MUC12: variants seen among roughly 807,000 people sequenced by gnomAD.
MUC12 encodes the protein mucin-12.
MUC12 carries 172 observed loss-of-function variants against 230.8 expected under a neutral mutation model. That is an observed-to-expected ratio of 0.75 (90% CI 0.66 to 0.85). The LOEUF is 0.85. MUC12 is among the 40% of genes least tolerant of loss of function. The pLI is 0.00. For missense variants in MUC12, 3,506 were observed against 5,920.6 expected (o/e 0.59, Z 13.38); for synonymous variants, 1,259 against 2,401.9 (o/e 0.52, Z 13.91).
chr7:100,977,425 G>A (rs1199793796), intron 1 of MUC12, among the ~76,000 whole-genome samples: 2 of 150,790 alleles, frequency 1.3e-5, no homozygotes, highest in African/African-American at 2.4e-5. Flanking sequence ...GGAGTACAGT[G>A]GTGCGATCTC....
In MUC12 at chr7:100,991,762, C is replaced by T. The variant is rs371604492; in HGVS notation, c.1199C>T (p.Thr400Ile). 2.7e-4 allele frequency: 415 copies of T among 1,537,824 alleles called. 1 individual carries two copies. Among genetic ancestry groups the T allele is most frequent in the Non-Finnish European group, 3.5e-4 (396 of 1,147,026 alleles). ...HGSTTHTKSS[T>I]PSTTAALAHT... ...AGCACAACACACACAAAATCTTCAA[C>T]TCCTAGCACCACAGCTGCCCTAGCA... Residue 400 changes from threonine (T) to isoleucine (I), a missense_variant, in exon 2 of 12, where the codon ACT (threonine) becomes ATT (isoleucine). Physicochemically the swap from Thr to Ile is moderately conservative, Grantham distance 89. Transcript: ENST00000536621.
intron 5 of MUC12, among the ~76,000 whole-genome samples, chr7:101,011,183 G>T (rs1003974968): frequency 2.0e-5 from 3 of 152,158 alleles, no homozygotes; most frequent in Non-Finnish European, 4.4e-5. Context: ...CAAGGGTGCC[G>T]TGTCCTTGCA....
intron 10 of MUC12, among the ~76,000 whole-genome samples, chr7:101,016,181 G>A (rs892219099): frequency 2.0e-5 from 3 of 152,118 alleles, no homozygotes; most frequent in Non-Finnish European, 2.9e-5. Context: ...CATGAGAAAC[G>A]CCTGCAGTTG....
At chr7:101,011,512 C>T (rs563006662) in intron 5 of MUC12, among the ~76,000 whole-genome samples, 1 of 152,266 alleles carries the variant, frequency 6.6e-6, no homozygotes, top group East Asian at 1.9e-4. Context: ...GCCTCAAACT[C>T]CTGGGCTCAA....
At position 100,980,921 on chromosome 7, in the gene MUC12, G is replaced by GA. The variant is rs369611556; in HGVS notation, c.68-9700dup. Reference sequence around the variant, plus strand: ...TTACAGAGTGAGACCCCCAACTCCTGAAAAAAAAAATGGTATGACTCTTCC... The same window carrying GA: ...TTACAGAGTGAGACCCCCAACTCCTGAAAAAAAAAAATGGTATGACTCTTCC... On this transcript the variant is annotated intron_variant, in intron 1 of 11. Coordinates refer to ENST00000536621, the MANE Select transcript of MUC12 (RefSeq NM_001164462.2). 1.5e-4 allele frequency among the ~76,000 whole-genome samples: 22 copies of GA among 147,454 alleles called. No homozygotes were observed. The East Asian group carries it at 1.8e-3, about 12-fold the overall frequency.
chr7:101,005,763 T>C (rs1010149959), intron 2 of MUC12, among the ~76,000 whole-genome samples: 7 of 151,644 alleles, frequency 4.6e-5, no homozygotes, highest in African/African-American at 1.7e-4. Flanking sequence ...TATTTATGTA[T>C]TTATTTTTCA....
intron 11 of MUC12, among the ~76,000 whole-genome samples, 179 bp from the exon 12 acceptor site, chr7:101,018,416 C>T (rs1365934357): frequency 8.4e-6 from 1 of 118,494 alleles, no homozygotes; most frequent in Non-Finnish European, 1.9e-5. Flanking sequence ...CCACCCCTTC[C>T]CCTGGGACTC....
intron 1 of MUC12, among the ~76,000 whole-genome samples, chr7:100,974,363 T>C (rs1285950978): frequency 0.085 from 4,760 of 56,182 alleles, no homozygotes; most frequent in South Asian, 0.099. Context: ...TTGGATACTG[T>C]TCTGCACACA....
intron 6 of MUC12, 117 bp from the exon 7 acceptor site, chr7:101,012,702 C>T: frequency 8.3e-7 from 1 of 1,203,488 alleles, no homozygotes; most frequent in African/African-American, 1.5e-5. Context: ...TGGGCAAAGA[C>T]TCCCACGGGC....
intron 9 of MUC12, 60 bp downstream of exon 9, chr7:101,014,134 A>C: frequency 6.9e-7 from 1 of 1,456,014 alleles, no homozygotes; most frequent in South Asian, 1.4e-5. Context: ...TGGGGTGGCC[A>C]CTGTCTGAAT....
At chr7:100,971,427 G>A (rs559089141) in intron 1 of MUC12, among the ~76,000 whole-genome samples, 98 of 151,550 alleles carry the variant, frequency 6.5e-4, no homozygotes, top group Middle Eastern at 7.0e-3. Context: ...GGGAGCTGGG[G>A]TGGGGGTCTC....
intron 6 of MUC12, 43 bp downstream of exon 6, chr7:101,012,490 A>C: frequency 1.3e-6 from 2 of 1,525,186 alleles, no homozygotes; most frequent in Non-Finnish European, 1.8e-6. Flanking sequence ...GGTGTCTTGG[A>C]GATCGTGACC....
chr7:100,984,936 G>A (rs1421454692), intron 1 of MUC12, among the ~76,000 whole-genome samples: 10 of 151,946 alleles, frequency 6.6e-5, no homozygotes, highest in African/African-American at 2.4e-4. Flanking sequence ...TCACGATCTC[G>A]GCTCACTGCA....
intron 1 of MUC12, among the ~76,000 whole-genome samples, chr7:100,983,120 A>G (rs1451289130): frequency 6.6e-6 from 1 of 151,340 alleles, no homozygotes; most frequent in African/African-American, 2.4e-5. Flanking sequence ...CTTGATTCCT[A>G]TGTAAAATAG....
At chr7:101,010,872 A>G (rs1035540124) in intron 5 of MUC12, among the ~76,000 whole-genome samples, 1 of 151,610 alleles carries the variant, frequency 6.6e-6, no homozygotes, top group Non-Finnish European at 1.5e-5. Context: ...CTGGTCTCAA[A>G]CTCCTGGGTT....
intron 1 of MUC12, among the ~76,000 whole-genome samples, chr7:100,976,323 C>T (rs963840807): frequency 3.3e-5 from 5 of 151,158 alleles, no homozygotes; most frequent in African/African-American, 1.2e-4. Context: ...TGCAAATATT[C>T]GGCCAGGCGT....
At chr7:100,983,190 C>G (rs192288645) in intron 1 of MUC12, among the ~76,000 whole-genome samples, 1 of 151,142 alleles carries the variant, frequency 6.6e-6, no homozygotes, top group African/African-American at 2.4e-5. Context: ...GAGGCCAAGG[C>G]GGGTGGATCA....
Position 100,995,595 on chromosome 7 carries a change from G to A in MUC12, c.5032G>A (p.Gly1678Ser), listed in dbSNP as rs755020792. 1.4e-4 allele frequency: 211 copies of A among 1,536,360 alleles called. No homozygotes were observed. Among genetic ancestry groups the A allele is most frequent in the African/African-American group, 1.7e-4 (12 of 71,964 alleles). ...GCCACACACAACACTGTCCCCTGCC[G>A]GCTCTACAACACGTCAGGGAGAATC... ...GSPHTTLSPA[G>S]STTRQGESTT... Residue 1678 changes from glycine to serine, a missense_variant, in exon 2 of 12, where the codon GGC becomes AGC. Coordinates refer to ENST00000536621, the MANE Select transcript of MUC12 (RefSeq NM_001164462.2).
At chr7:100,981,832 T>C (rs1186032190) in intron 1 of MUC12, among the ~76,000 whole-genome samples, 3 of 150,890 alleles carry the variant, frequency 2.0e-5, no homozygotes, top group Non-Finnish European at 2.9e-5. Flanking sequence ...CATTGCCCCT[T>C]CTCCTTGTGG....
Sources: gnomAD v4.1 joint callset for allele counts (sites outside exome capture counted in the v4.1 genomes callset) on GRCh38, gnomAD v4.1.1 for gene constraint, MANE v1.5 for transcripts, NCBI Gene and HGNC (gene_info 2026-07-23, HGNC 2026-07-21) for gene names.